The following DYDC2 variants were observed in gnomAD, a reference collection of about 807,000 sequenced individuals.
DYDC2 encodes the protein DPY30 domain containing 2.
Under a neutral mutation model 18.7 loss-of-function variants are expected in DYDC2, and 19 were observed. The ratio of observed to expected loss-of-function variants is 1.02; its 90% CI spans 0.71 to 1.49. DYDC2 has a LOEUF of 1.49. Ranked by LOEUF, DYDC2 falls within the 40% of genes most tolerant of loss-of-function variation. The probability of loss-of-function intolerance (pLI) is 0.00; values close to 1 mark genes in which losing one functional copy is unlikely to be tolerated. For missense variants in DYDC2, 179 were observed against 205.1 expected (o/e 0.87, Z 0.78); for synonymous variants, 63 against 67.6 (o/e 0.93, Z 0.34).
chr10:80,353,842 T>A (rs1016133869), upstream of DYDC2, among the ~76,000 whole-genome samples: 1 of 152,108 alleles, frequency 6.6e-6, no homozygotes, highest in African/African-American at 2.4e-5. Context: ...AATGATAATA[T>A]CTCTTTTCTG....
At position 80,362,943 on chromosome 10, in the gene DYDC2, C is replaced by T. The variant is rs763923793; in HGVS notation, c.148-8C>T. ...CTGACCTGATTTGACTCTGTCACCT[C>T]ACCCCAGAATAGGGAAAAGAAGATC... On this transcript the variant is annotated splice_polypyrimidine_tract_variant and splice_region_variant and intron_variant, in intron 3 of 4. Coordinates refer to ENST00000256039, the MANE Select transcript of DYDC2 (RefSeq NM_032372.6). The T allele has an allele frequency of 1.9e-6, 3 of 1,610,748 alleles. No individual in the cohort carries two copies. The highest frequency in any genetic ancestry group is 1.7e-6 in the Non-Finnish European group (2 of 1,178,748).
intron 1 of DYDC2, among the ~76,000 whole-genome samples, chr10:80,351,482 C>T (rs577605808): frequency 6.6e-6 from 1 of 151,622 alleles, no homozygotes; most frequent in East Asian, 1.9e-4. Context: ...TGCCTAAGTC[C>T]ACCCACCCCC....
upstream of DYDC2, among the ~76,000 whole-genome samples, chr10:80,355,566 C>T (rs377104803): frequency 1.3e-5 from 2 of 152,108 alleles, no homozygotes; most frequent in Admixed American, 6.5e-5. Flanking sequence ...AATAGTCACA[C>T]TGAAGCACCA....
At chr10:80,356,714 C>G (rs1018449366), upstream of DYDC2, 7 of 984,922 alleles carry the variant, frequency 7.1e-6, no homozygotes, top group African/African-American at 1.2e-4. Context: ...GCGCTCACCC[C>G]TACACACGCG....
Position 80,362,333 on chromosome 10 carries a change from T to C in DYDC2, c.-9-102T>C, listed in dbSNP as rs1843687519. Reference sequence around the variant, plus strand: ...GGGAAAGGTGTGATCCAGAAGCATCTCATATTTATCCTGAAATAAATCTGA... The same window carrying C: ...GGGAAAGGTGTGATCCAGAAGCATCCCATATTTATCCTGAAATAAATCTGA... On this transcript the variant is annotated intron_variant, in intron 2 of 4. Coordinates refer to ENST00000256039, the MANE Select transcript of DYDC2 (RefSeq NM_032372.6). The C allele has an allele frequency of 7.5e-6, 11 of 1,457,496 alleles. No homozygotes were observed. In the South Asian group the frequency reaches 1.4e-4, roughly 19 times the overall value. 90.3% of individuals were successfully genotyped at this position (1,457,496 alleles called of 1,614,324 possible).
intron 4 of DYDC2, among the ~76,000 whole-genome samples, chr10:80,366,441 G>A (rs542632987): frequency 3.3e-5 from 5 of 152,162 alleles, no homozygotes; most frequent in African/African-American, 7.2e-5. Flanking sequence ...TGTAGAGGAC[G>A]TTTTATAGGG....
At chr10:80,358,652 G>A (rs17103728) in intron 2 of DYDC2, among the ~76,000 whole-genome samples, 13,808 of 152,164 alleles carry the variant, frequency 0.091, 706 homozygotes, top group Middle Eastern at 0.12. Flanking sequence ...AGTGATCCAG[G>A]CAAAGTAGAT....
chr10:80,348,921 T>G (rs1842822943), intron 1 of DYDC2, among the ~76,000 whole-genome samples: 1 of 152,160 alleles, frequency 6.6e-6, no homozygotes, highest in African/African-American at 2.4e-5. Flanking sequence ...AGGCGGAGTC[T>G]CGCTCTGTCG....
Position 80,362,618 on chromosome 10 carries a change from G to A in DYDC2, c.147+28G>A, listed in dbSNP as rs186171100. On this transcript the variant is annotated intron_variant, in intron 3 of 4. Coordinates refer to ENST00000256039, the MANE Select transcript of DYDC2 (RefSeq NM_032372.6). ...GTGTATGTGCACTGGGACTTAGGGA[G>A]GGCCCAGCTTTCCCAGAGTAATTTG... 4.1e-5 allele frequency: 65 copies of A among 1,572,572 alleles called. No homozygotes were observed. In the African/African-American group the frequency reaches 8.3e-4, roughly 20 times the overall value.
At position 80,362,704 on chromosome 10, in the gene DYDC2, C is replaced by G; in HGVS notation, c.147+114C>G. 2.0e-6 allele frequency: 3 copies of G among 1,475,798 alleles called. No homozygotes were observed. The South Asian group carries it at 4.3e-5, about 21-fold the overall frequency. The allele number at this position is 1,475,798 out of a possible 1,614,324, so 91.4% of individuals were successfully genotyped here. A position where few individuals can be genotyped will look rare whatever the true frequency, so the allele number is the denominator to read the frequency against. On this transcript the variant is annotated intron_variant, in intron 3 of 4. Transcript: ENST00000256039. ...CTGGGGAATTTCTTGGTTTATTTGA[C>G]TTGCTCTTAGAGCCAGATATCCCTG...
chr10:80,362,613 A>T, intron 3 of DYDC2, 23 bp downstream of exon 3: 1 of 1,580,128 alleles, frequency 6.3e-7, no homozygotes, highest in East Asian at 2.3e-5. Flanking sequence ...ACTGGGACTT[A>T]GGGAGGGCCC....
chr10:80,351,853 T>A (rs780704099), upstream of DYDC2: 2 of 1,556,782 alleles, frequency 1.3e-6, no homozygotes, highest in East Asian at 2.3e-5. Context: ...CATGCTGAGG[T>A]TGGCATCGTT....
At chr10:80,364,011 T>C (rs1843748997) in intron 4 of DYDC2, among the ~76,000 whole-genome samples, 1 of 152,214 alleles carries the variant, frequency 6.6e-6, no homozygotes, top group Non-Finnish European at 1.5e-5. Context: ...TACAAAGTGG[T>C]AGATACCTGG....
chr10:80,353,110 T>C (rs1233473236), upstream of DYDC2, among the ~76,000 whole-genome samples: 3 of 151,476 alleles, frequency 2.0e-5, no homozygotes. Flanking sequence ...TCCTAAGCCA[T>C]GAGAGCCGTT....
At chr10:80,353,108 C>T (rs1207361445), upstream of DYDC2, among the ~76,000 whole-genome samples, 1 of 151,816 alleles carries the variant, frequency 6.6e-6, no homozygotes, top group African/African-American at 2.4e-5. Flanking sequence ...CCTCCTAAGC[C>T]ATGAGAGCCG....
upstream of DYDC2, chr10:80,356,718 A>T (rs1398745043): frequency 2.0e-6 from 2 of 984,696 alleles, no homozygotes; most frequent in Non-Finnish European, 2.4e-6. Flanking sequence ...TCACCCCTAC[A>T]CACGCGCCTG....
upstream of DYDC2, chr10:80,356,261 C>T (rs891399492): frequency 4.1e-6 from 4 of 985,532 alleles, no homozygotes; most frequent in Non-Finnish European, 2.4e-6. Context: ...CACCAATAGG[C>T]ATCTTGGCTC....
At position 80,359,061 on chromosome 10, in the gene DYDC2, G is replaced by A. The variant is rs537540798; in HGVS notation, c.-10+1016G>A. 3.9e-5 allele frequency among the ~76,000 whole-genome samples: 6 copies of A among 152,346 alleles called. No individual in the cohort carries two copies. In the East Asian group the frequency reaches 9.6e-4, roughly 24 times the overall value. Reference sequence around the variant, plus strand: ...TGTGGAAGGGAACCCAGAGCAGGTTGCAGCTGCTGGCTCAGGCAGCCTGCT... The same window carrying A: ...TGTGGAAGGGAACCCAGAGCAGGTTACAGCTGCTGGCTCAGGCAGCCTGCT... On this transcript the variant is annotated intron_variant, in intron 2 of 4. Transcript: ENST00000256039.
At chr10:80,345,050 C>T (rs1490823263) in intron 1 of DYDC2, among the ~76,000 whole-genome samples, 1 of 74,094 alleles carries the variant, frequency 1.3e-5, no homozygotes, top group Non-Finnish European at 2.3e-5. Context: ...ATTTACAAAG[C>T]TCATGAGAAA....
Sources: allele counts gnomAD v4.1 joint callset (sites outside exome capture counted in the v4.1 genomes callset), GRCh38; gene constraint gnomAD v4.1.1; transcripts MANE v1.5; gene names NCBI Gene and HGNC (gene_info 2026-07-23, HGNC 2026-07-21).